The following PIGU variants were observed in gnomAD, a reference collection of about 807,000 sequenced individuals.
The protein encoded by PIGU is phosphatidylinositol glycan anchor biosynthesis class U, also known as GPI-anchor transamidase component PIGU.
Under a neutral mutation model 49.9 loss-of-function variants are expected in PIGU, and 24 were observed. The observed-to-expected ratio is 0.48, with a 90% CI of 0.35 to 0.68. The LOEUF is 0.68. Among genes scored for constraint, PIGU ranks in the 30% least tolerant of loss-of-function variants. The probability of loss-of-function intolerance (pLI) is 0.01; values close to 1 mark genes in which losing one functional copy is unlikely to be tolerated. For missense variants in PIGU, 490 were observed against 532.6 expected, an observed-to-expected ratio of 0.92 and a Z score of 0.79; for synonymous variants, 220 against 205.7, an observed-to-expected ratio of 1.07 and a Z score of -0.59.
intron 7 of PIGU, among the ~76,000 whole-genome samples, chr20:34,599,573 A>C (rs188829330): frequency 6.6e-6 from 1 of 152,284 alleles, no homozygotes; most frequent in Admixed American, 6.5e-5. Context: ...TGAAGATGTA[A>C]AGCTAGGTGA....
At chr20:34,586,584 T>C (rs1568627172) in intron 8 of PIGU, among the ~76,000 whole-genome samples, 1 of 152,122 alleles carries the variant, frequency 6.6e-6, no homozygotes, top group African/African-American at 2.4e-5. Flanking sequence ...TGCACAGGTT[T>C]AAGAGTCTGT....
At position 34,581,610 on chromosome 20, in the gene PIGU, G is replaced by A. The variant is rs555958102; in HGVS notation, c.989C>T (p.Pro330Leu). 12 of 1,613,944 alleles carry A rather than the reference G, an allele frequency of 7.4e-6. No homozygotes were observed. Among genetic ancestry groups the A allele is most frequent in the East Asian group, 2.2e-5 (1 of 44,876 alleles). The change falls in exon 10 of 12, where the codon CCG becomes CTG. Residue 330 changes from proline to leucine, a missense_variant. Transcript: ENST00000217446. The stretch of plus-strand genomic sequence containing the variant: ...GTAGAGCGCCACGTCCCCCACTGTC[G>A]GGTAGGACTTAAAGATGGCGATGAC... ...IAVIAIFKSY[P>L]TVGDVALYMA... is the part of the protein sequence containing the mutation.
Position 34,622,430 on chromosome 20 carries a change from T to A in PIGU, c.530-6291A>T, listed in dbSNP as rs1600636643. On this transcript the variant is annotated intron_variant, in intron 6 of 11. Transcript: ENST00000217446. ...TATTCGGGAGGCTGAGGCAGGAGAA[T>A]CTCTTGAACCTGAGAGGTGGAGGTT... 3.3e-5 allele frequency among the ~76,000 whole-genome samples: 5 copies of A among 151,606 alleles called. No individual in the cohort carries two copies. In the South Asian group the frequency reaches 1.0e-3, roughly 32 times the overall value.
intron 11 of PIGU, chr20:34,562,469 C>G (rs1192396457): frequency 6.2e-6 from 8 of 1,288,964 alleles, no homozygotes; most frequent in Non-Finnish European, 2.0e-6. Context: ...AAGGAGAGAT[C>G]AGAGGCGCCT....
rs1329222002 is a variant in PIGU at position 34,585,591 on chromosome 20, G to C, written c.783-11C>G. The C allele has an allele frequency of 1.2e-6, 2 of 1,610,896 alleles. No individual in the cohort carries two copies. The highest frequency in any genetic ancestry group is 1.3e-5 in the African/African-American group (1 of 74,596). ...TCTGGAACAGAAAGTCTGGAATTAA[G>C]AAAACAAAGGGAGAGAAAAAAGACA... On this transcript the variant is annotated splice_polypyrimidine_tract_variant and intron_variant, in intron 8 of 11. Coordinates refer to ENST00000217446, the MANE Select transcript of PIGU (RefSeq NM_080476.5).
chr20:34,648,368 T>C (rs937879802), intron 2 of PIGU, among the ~76,000 whole-genome samples: 3 of 152,184 alleles, frequency 2.0e-5, no homozygotes, highest in African/African-American at 4.8e-5. Flanking sequence ...CTGGGTGCAG[T>C]GATCTTTTTA....
chr20:34,563,396 C>T (rs531098060), intron 11 of PIGU, among the ~76,000 whole-genome samples: 2 of 151,864 alleles, frequency 1.3e-5, no homozygotes, highest in Admixed American at 1.3e-4. Context: ...GGAGAAACCC[C>T]GTCTCTACTA....
At chr20:34,653,610 G>A (rs983591442) in intron 2 of PIGU, among the ~76,000 whole-genome samples, 1 of 152,182 alleles carries the variant, frequency 6.6e-6, no homozygotes, top group South Asian at 2.1e-4. Flanking sequence ...ACCTAGCAGA[G>A]TAGCTGGCAC....
At chr20:34,675,148 T>C (rs1474413842) in intron 1 of PIGU, among the ~76,000 whole-genome samples, 5 of 148,598 alleles carry the variant, frequency 3.4e-5, no homozygotes, top group Non-Finnish European at 7.4e-5. Context: ...CCCAGGAGGC[T>C]GAGGCAGAAG....
chr20:34,564,011 A>G (rs1982640845), intron 11 of PIGU, among the ~76,000 whole-genome samples: 1 of 152,236 alleles, frequency 6.6e-6, no homozygotes, highest in Non-Finnish European at 1.5e-5. Context: ...ATTGGGTGAC[A>G]TTCTACAAGA....
At chr20:34,585,871 G>A (rs1020189117) in intron 8 of PIGU, among the ~76,000 whole-genome samples, 9 of 152,192 alleles carry the variant, frequency 5.9e-5, no homozygotes, top group Admixed American at 2.0e-4. Flanking sequence ...GTTTTACTGC[G>A]CAAGACAGTT....
chr20:34,588,571 AG>A lies in PIGU; in HGVS notation c.663del (p.Phe222SerfsTer10). ...QYIPVKMKSK[A>X]FWIFSWEYAM... ...GCATACTCCCAAGAAAAGATCCAGA[AG>A]GCTTTGCTCTTCATTTTCACAGGTA... On this transcript the variant is annotated frameshift_variant, in exon 8 of 12. Coordinates refer to ENST00000217446, the MANE Select transcript of PIGU (RefSeq NM_080476.5). LOFTEE classifies it high-confidence loss of function. 6.2e-7 allele frequency: 1 copy of A among 1,614,110 alleles called. No homozygotes were observed.
chr20:34,671,238 C>G (rs1319932717), intron 1 of PIGU, among the ~76,000 whole-genome samples: 1 of 152,064 alleles, frequency 6.6e-6, no homozygotes, highest in Non-Finnish European at 1.5e-5. Context: ...TAAAAAGCAT[C>G]ATATCATTGT....
Position 34,638,982 on chromosome 20 carries a change from A to G in PIGU, c.319-997T>C, listed in dbSNP as rs367892304. Among the ~76,000 whole-genome samples, 13 of 152,362 alleles carry G rather than the reference A, an allele frequency of 8.5e-5. No individual in the cohort carries two copies. In the East Asian group the frequency reaches 2.3e-3, roughly 27 times the overall value. Reference sequence around the variant, plus strand: ...GCTATCTATTAGAAAACAGTATTTCAGAGGAGCCAAGATAGCTGTGCTTAA... The same window carrying G: ...GCTATCTATTAGAAAACAGTATTTCGGAGGAGCCAAGATAGCTGTGCTTAA... On this transcript the variant is annotated intron_variant, in intron 4 of 11. Coordinates refer to ENST00000217446, the MANE Select transcript of PIGU (RefSeq NM_080476.5).
rs550217432 is a variant in PIGU at position 34,578,677 on chromosome 20, T to C, written c.1051+2871A>G. 7.9e-5 allele frequency among the ~76,000 whole-genome samples: 12 copies of C among 152,268 alleles called. No individual in the cohort carries two copies. The South Asian group carries it at 1.0e-3, about 13-fold the overall frequency. Reference sequence around the variant, plus strand: ...CTAGAGAACCATCACCAGCATGCAGTTGGCTTCTGGCCTGTGGTGACCTCT... The same window carrying C: ...CTAGAGAACCATCACCAGCATGCAGCTGGCTTCTGGCCTGTGGTGACCTCT... On this transcript the variant is annotated intron_variant, in intron 10 of 11. Transcript: ENST00000217446.
At chr20:34,568,454 C>T (rs1333503140) in intron 11 of PIGU, among the ~76,000 whole-genome samples, 6 of 152,214 alleles carry the variant, frequency 3.9e-5, no homozygotes, top group Non-Finnish European at 5.9e-5. Flanking sequence ...TCGGGAGCAA[C>T]GAGCCTTCCC....
At chr20:34,673,767 C>G (rs1987388407) in intron 1 of PIGU, among the ~76,000 whole-genome samples, 1 of 152,144 alleles carries the variant, frequency 6.6e-6, no homozygotes, top group Admixed American at 6.6e-5. Context: ...AGAATTCATA[C>G]AGCTTGGCCG....
In PIGU at chr20:34,560,651, C is replaced by CAAGG; in HGVS notation, c.*211_*214dup. 1 of 460,600 alleles carries CAAGG rather than the reference C, an allele frequency of 2.2e-6. No homozygotes were observed. The highest frequency in any genetic ancestry group is 3.8e-6 in the Non-Finnish European group (1 of 261,134). The allele number at this position is 460,600 out of a possible 1,614,324, so 28.5% of individuals were successfully genotyped here. ...GGGGGCTCCTTGGTGTGCAGAGCCA[C>CAAGG]AAGGTGGGGGTCCAAGTTGGGGAGC... On this transcript the variant is annotated 3_prime_UTR_variant, in exon 12 of 12. Coordinates refer to ENST00000217446, the MANE Select transcript of PIGU (RefSeq NM_080476.5).
chr20:34,621,811 G>A (rs556672560), intron 6 of PIGU, among the ~76,000 whole-genome samples: 2 of 152,246 alleles, frequency 1.3e-5, no homozygotes, highest in South Asian at 4.1e-4. Context: ...ATGGGTGCCA[G>A]GAAACCTGGT....
Sources: gnomAD v4.1 joint callset for allele counts (sites outside exome capture counted in the v4.1 genomes callset) on GRCh38, gnomAD v4.1.1 for gene constraint, MANE v1.5 for transcripts, NCBI Gene and HGNC (gene_info 2026-07-23, HGNC 2026-07-21) for gene names.